DOCK6: variants seen among roughly 807,000 people sequenced by gnomAD.
DOCK6 encodes dedicator of cytokinesis 6, also known as dedicator of cytokinesis protein 6.
In DOCK6, 167 loss-of-function variants were observed where a neutral mutation model predicts 230.3. That is an observed-to-expected ratio of 0.73 (90% CI 0.64 to 0.82). The LOEUF (loss-of-function observed/expected upper bound fraction) is 0.82, where lower values mean the gene tolerates loss of function less well. Among genes scored for constraint, DOCK6 ranks in the 40% least tolerant of loss-of-function variants. The probability of loss-of-function intolerance (pLI) is 0.00; values close to 1 mark genes in which losing one functional copy is unlikely to be tolerated. For synonymous variants in DOCK6, 1,148 were observed against 1,185.0 expected (o/e 0.97, Z 0.64); for missense variants, 2,598 against 2,825.8 (o/e 0.92, Z 1.83).
intron 24 of DOCK6, among the ~76,000 whole-genome samples, chr19:11,226,774 C>A (rs186239784): frequency 6.6e-6 from 1 of 152,182 alleles, no homozygotes; most frequent in Non-Finnish European, 1.5e-5. Flanking sequence ...GCCTGCCTAG[C>A]CCCTGAGGGC....
Position 11,240,187 on chromosome 19 carries a change from G to C in DOCK6, c.1643+1858C>G, listed in dbSNP as rs748361618. On this transcript the variant is annotated intron_variant, in intron 14 of 47. Transcript: ENST00000294618. ...GCAGAGGCCACAGCTGAGGTGCTGG[G>C]GGAGGTGGCCCAGGCACAGAAGGTG... 3 of 1,554,682 alleles carry C rather than the reference G, an allele frequency of 1.9e-6. No individual in the cohort carries two copies. The African/African-American group carries it at 4.1e-5, about 21-fold the overall frequency.
At position 11,238,205 on chromosome 19, in the gene DOCK6, G is replaced by T; in HGVS notation, c.1743C>A (p.Asp581Glu). ...CACTGACCGGCAGAGCCTGGCTGGGGTCCTCGCCTGTCATGTACTGCACTC... is the reference window on the plus strand; with the variant it reads ...CACTGACCGGCAGAGCCTGGCTGGGTTCCTCGCCTGTCATGTACTGCACTC... ...AVRVQYMTGEDPSQALPVIFG... is the reference protein window; with the variant it reads ...AVRVQYMTGEEPSQALPVIFG... Residue 581 changes from aspartate to glutamate, a missense_variant, in exon 15 of 48, where the codon GAC becomes GAA. By Grantham distance (45) the Asp-to-Glu change is conservative (BLOSUM62 2). Transcript: ENST00000294618. The T allele has an allele frequency of 1.2e-6, 2 of 1,613,758 alleles. No homozygotes were observed. Among genetic ancestry groups the T allele is most frequent in the East Asian group, 2.2e-5 (1 of 44,856 alleles).
rs780222506 is a variant in DOCK6, at chr19:11,201,865, G to T, written c.5688+24C>A. ...GATGTCCCCTCACCTCCCCACCCCC[G>T]CCAGGCCCAGGATCCCCACCCACCT... On this transcript the variant is annotated intron_variant, in intron 44 of 47. Coordinates refer to ENST00000294618, the MANE Select transcript of DOCK6 (RefSeq NM_020812.4). The surrounding 1 kb of genome is among the most constrained non-coding windows in gnomAD (Gnocchi z 4.3). The T allele has an allele frequency of 4.7e-6, 2 of 424,690 alleles. No individual in the cohort carries two copies. Among genetic ancestry groups the T allele is most frequent in the South Asian group, 2.6e-5 (1 of 38,454 alleles). The allele number at this position is 424,690 out of a possible 1,614,324, so 26.3% of individuals were successfully genotyped here. A position where few individuals can be genotyped will look rare whatever the true frequency, so the allele number is the denominator to read the frequency against.
chr19:11,236,499 C>T lies in DOCK6; in HGVS notation c.2239G>A (p.Val747Met), dbSNP rs780945102. The T allele has an allele frequency of 1.5e-5, 24 of 1,603,894 alleles. No individual in the cohort carries two copies. Among genetic ancestry groups the T allele is most frequent in the Non-Finnish European group, 2.0e-5 (24 of 1,175,798 alleles). ...TGCTCCACGTTGCCCTCGCTCAGCA[C>T]AGTGTCCTTGAGCCGGAATGGGAAG... ...GAFPFRLKDT[V>M]LSEGNVEQEL... The change falls in exon 20 of 48, where the codon GTG becomes ATG. Residue 747 changes from valine to methionine, a missense_variant. Transcript: ENST00000294618. This position sits in a 1 kb window ranked among gnomAD's most constrained non-coding sequence, Gnocchi z 5.2.
At chr19:11,256,703 G>C (rs547759794) in intron 1 of DOCK6, among the ~76,000 whole-genome samples, 11 of 152,156 alleles carry the variant, frequency 7.2e-5, no homozygotes, top group African/African-American at 2.4e-4. Flanking sequence ...TTGAGACAGA[G>C]TTTAGCTCTT....
Position 11,202,469 on chromosome 19 carries a change from C to G in DOCK6, c.5376G>C (p.Glu1792Asp), listed in dbSNP as rs759765974. 2 of 1,613,462 alleles carry G rather than the reference C, an allele frequency of 1.2e-6. No individual in the cohort carries two copies. Among genetic ancestry groups the G allele is most frequent in the South Asian group, 1.1e-5 (1 of 91,086 alleles). ...ISHRLEEFYTERFGDDVVEII... is the reference protein window; with the variant it reads ...ISHRLEEFYTDRFGDDVVEII... The stretch of plus-strand genomic sequence containing the variant: ...TCTCAACGACGTCGTCGCCAAATCT[C>G]TCCGTGTAGAACTCCTGGAGACACA... The change falls in exon 43 of 48, where the codon GAG becomes GAC. Residue 1792 changes from glutamate (E) to aspartate (D), a missense_variant. Physicochemically the swap from Glu to Asp is conservative, Grantham distance 45. Transcript: ENST00000294618. The surrounding 1 kb of genome is among the most constrained non-coding windows in gnomAD (Gnocchi z 5.3).
At position 11,199,795 on chromosome 19, in the gene DOCK6, T is replaced by A. The variant is rs1260910834; in HGVS notation, c.6102-256A>T. The stretch of plus-strand genomic sequence containing the variant: ...ATTCATGTATCTGGGAAATGACTGC[T>A]CAGAGCCTGCCCTGCCTTTGTACAT... On this transcript the variant is annotated intron_variant, in intron 47 of 47. Transcript: ENST00000294618. Among the ~76,000 whole-genome samples, 10 of 152,206 alleles carry A rather than the reference T, an allele frequency of 6.6e-5. No homozygotes were observed. In the East Asian group the frequency reaches 1.9e-3, roughly 29 times the overall value.
chr19:11,213,796 A>AT lies in DOCK6; in HGVS notation c.4339-469dup, dbSNP rs763028538. Among the ~76,000 whole-genome samples the AT allele has an allele frequency of 2.6e-3, 286 of 111,436 alleles. 1 individual carries two copies. Among genetic ancestry groups the AT allele is most frequent in the East Asian group, 0.017 (65 of 3,874 alleles). The allele number at this position is 111,436 out of a possible 152,430, so 73.1% of individuals were successfully genotyped here. On this transcript the variant is annotated intron_variant, in intron 34 of 47. Coordinates refer to ENST00000294618, the MANE Select transcript of DOCK6 (RefSeq NM_020812.4). ...GTGTGTGCCATCCTCTCTGGCTAAC[A>AT]TTTTTTTTTTTTTTTTTTGAGACAG...
rs73506659 is a variant in DOCK6 at position 11,235,602 on chromosome 19, C to T, written c.2550G>A (p.Pro850=). The T allele has an allele frequency of 5.7e-5, 90 of 1,587,004 alleles. No individual in the cohort carries two copies. The highest frequency in any genetic ancestry group is 8.1e-5 in the African/African-American group (6 of 74,406). ...CAGGGATTTCTACAAACTCACCATC[C>T]GGGAGGCTGGGCTCAGTGCCAGGAA... ...FRLPGTEPSL[P]DGAPPVTVQA... The change falls in exon 21 of 48, where the codon CCG becomes CCA. Residue 850 remains proline (P), a synonymous_variant. Transcript: ENST00000294618.
chr19:11,248,600 T>A (rs568232579), intron 6 of DOCK6, among the ~76,000 whole-genome samples: 1 of 152,206 alleles, frequency 6.6e-6, no homozygotes, highest in African/African-American at 2.4e-5. Context: ...CCCTGAGGCC[T>A]GGGCAGGCAC....
In DOCK6 at chr19:11,237,441, C is replaced by T; in HGVS notation, c.2073+15G>A. 1 of 1,613,306 alleles carries T rather than the reference C, an allele frequency of 6.2e-7. No individual in the cohort carries two copies. The highest frequency in any genetic ancestry group is 8.5e-7 in the Non-Finnish European group (1 of 1,179,754). On this transcript the variant is annotated intron_variant, in intron 18 of 47. Transcript: ENST00000294618. ...GGGACAGTGCATTGGCAGGCAGGAG[C>T]TCCAGGGCACATACATCGGGTGTGA...
In DOCK6 at chr19:11,202,715, G is replaced by C. The variant is rs762743069; in HGVS notation, c.5236-6C>G. The C allele has an allele frequency of 6.2e-7, 1 of 1,613,586 alleles. No homozygotes were observed. The highest frequency in any genetic ancestry group is 1.1e-5 in the South Asian group (1 of 91,086). On this transcript the variant is annotated splice_region_variant and splice_polypyrimidine_tract_variant and intron_variant, in intron 41 of 47. Coordinates refer to ENST00000294618, the MANE Select transcript of DOCK6 (RefSeq NM_020812.4). The surrounding 1 kb of genome is among the most constrained non-coding windows in gnomAD (Gnocchi z 5.3). ...AAATACGTCCCGAACACGCGCTGGG[G>C]CTGTGAGAAAGGGTGTGGTTGTCCG...
In DOCK6 at chr19:11,262,427, T is replaced by C; in HGVS notation, c.14A>G (p.Glu5Gly). 1 of 1,255,556 alleles carries C rather than the reference T, an allele frequency of 8.0e-7. No homozygotes were observed. The highest frequency in any genetic ancestry group is 1.0e-6 in the Non-Finnish European group (1 of 999,330). The allele number at this position is 1,255,556 out of a possible 1,614,324, so 77.8% of individuals were successfully genotyped here. MAASERRAFAHKINR... is the reference protein window; with the variant it reads MAASGRRAFAHKINR... ...GATCTTGTGCGCGAAGGCGCGGCGCTCGGAGGCAGCCATGGTCCTCGCGTC... is the reference window on the plus strand; with the variant it reads ...GATCTTGTGCGCGAAGGCGCGGCGCCCGGAGGCAGCCATGGTCCTCGCGTC... The change falls in exon 1 of 48, where the codon GAG becomes GGG. Residue 5 changes from glutamate (E) to glycine (G), a missense_variant. Transcript: ENST00000294618.
chr19:11,220,372 T>C (rs2079561309), intron 28 of DOCK6, among the ~76,000 whole-genome samples: 1 of 152,132 alleles, frequency 6.6e-6, no homozygotes, highest in Non-Finnish European at 1.5e-5. Flanking sequence ...AACAAATATA[T>C]AGCAGATCTT....
intron 35 of DOCK6, 43 bp from the exon 36 acceptor site, chr19:11,212,194 C>T (rs376965748): frequency 6.3e-7 from 1 of 1,584,034 alleles, no homozygotes. Context: ...GAGTCTCAGA[C>T]CCCAGACCCC....
At chr19:11,221,784 A>G (rs1172276955) in intron 28 of DOCK6, 67 bp downstream of exon 28, 1 of 1,609,430 alleles carries the variant, frequency 6.2e-7, no homozygotes, top group Non-Finnish European at 8.5e-7. Context: ...TCCCACCTTT[A>G]CTATCCTGTG....
chr19:11,199,677 T>C, intron 47 of DOCK6, 138 bp from the exon 48 acceptor site: 1 of 933,956 alleles, frequency 1.1e-6, no homozygotes, highest in Non-Finnish European at 1.7e-6. Context: ...CTGATCTGGC[T>C]GTGGGATTCT....
intron 39 of DOCK6, among the ~76,000 whole-genome samples, chr19:11,207,611 G>A (rs1272238702): frequency 3.3e-5 from 5 of 151,728 alleles, no homozygotes; most frequent in Non-Finnish European, 5.9e-5. Flanking sequence ...GGGCAACATA[G>A]TAAGACTCCC....
At chr19:11,257,152 A>AATTATTATTATT (rs35111959) in intron 1 of DOCK6, among the ~76,000 whole-genome samples, 11 of 146,634 alleles carry the variant, frequency 7.5e-5, no homozygotes, top group East Asian at 4.1e-4. Flanking sequence ...ATGCTTGGCT[A>AATTATTATTATT]ATTATTATTA....
Sources: allele counts gnomAD v4.1 joint callset (sites outside exome capture counted in the v4.1 genomes callset), GRCh38; gene constraint gnomAD v4.1.1; non-coding constraint Gnocchi (gnomAD v3.1); transcripts MANE v1.5; gene names NCBI Gene and HGNC (gene_info 2026-07-23, HGNC 2026-07-21).